Variants in MCU observed in about 807,000 individuals in gnomAD.
MCU encodes calcium uniporter protein, mitochondrial.
In MCU, 12 loss-of-function variants were observed where a neutral mutation model predicts 45.2. The ratio of observed to expected loss-of-function variants is 0.27; its 90% CI spans 0.17 to 0.43. The LOEUF (loss-of-function observed/expected upper bound fraction) is 0.43, where lower values mean the gene tolerates loss of function less well. Ranked by LOEUF, MCU falls within the 20% of genes least tolerant of loss-of-function variation. The pLI, the probability that MCU is intolerant of heterozygous loss-of-function variation, is 1.00. For synonymous variants in MCU, 160 were observed against 165.1 expected (o/e 0.97, Z 0.24); for missense variants, 324 against 436.7 (o/e 0.74, Z 2.30).
intron 1 of MCU, among the ~76,000 whole-genome samples, chr10:72,696,242 A>G (rs1842686563): frequency 7.6e-6 from 1 of 130,994 alleles, no homozygotes; most frequent in South Asian, 2.6e-4. Context: ...GCTGGTCTTG[A>G]ACTCCTGGAC....
intron 1 of MCU, among the ~76,000 whole-genome samples, chr10:72,767,340 T>C (rs1020113693): frequency 4.6e-5 from 7 of 152,188 alleles, no homozygotes; most frequent in South Asian, 2.1e-4. Flanking sequence ...ACAGGTATTA[T>C]AGAGGCTCAG....
At chr10:72,771,889 A>C (rs1843814194) in intron 1 of MCU, among the ~76,000 whole-genome samples, 2 of 152,264 alleles carry the variant, frequency 1.3e-5, no homozygotes, top group South Asian at 4.2e-4. Context: ...AGACAGTAGG[A>C]GAATCAGACT....
intron 1 of MCU, among the ~76,000 whole-genome samples, chr10:72,751,754 C>T (rs927927649): frequency 6.6e-6 from 1 of 151,978 alleles, no homozygotes; most frequent in Non-Finnish European, 1.5e-5. Context: ...TCCTTTGAGA[C>T]ATTGTTATTA....
At chr10:72,804,850 C>G (rs1046670666) in intron 1 of MCU, among the ~76,000 whole-genome samples, 1 of 152,236 alleles carries the variant, frequency 6.6e-6, no homozygotes, top group African/African-American at 2.4e-5. Flanking sequence ...CAGCTCACTG[C>G]AGCCTCAATC....
chr10:72,833,180 C>A (rs1844905045), intron 1 of MCU, among the ~76,000 whole-genome samples: 1 of 152,054 alleles, frequency 6.6e-6, no homozygotes, highest in South Asian at 2.1e-4. Context: ...ATAAAGATAG[C>A]ATTTCAAATA....
intron 1 of MCU, among the ~76,000 whole-genome samples, chr10:72,766,108 T>C (rs2132729410): frequency 6.6e-6 from 1 of 152,262 alleles, no homozygotes; most frequent in Non-Finnish European, 1.5e-5. Context: ...CCTCAAGCAG[T>C]CCTCTCACCA....
intron 1 of MCU, among the ~76,000 whole-genome samples, chr10:72,710,018 C>T (rs149856620): frequency 6.1e-4 from 93 of 152,280 alleles, no homozygotes; most frequent in African/African-American, 2.1e-3. Context: ...ATCTGTCGCC[C>T]AGGCTGGAGT....
At chr10:72,757,577 A>G (rs1339532852) in intron 1 of MCU, among the ~76,000 whole-genome samples, 1 of 146,808 alleles carries the variant, frequency 6.8e-6, no homozygotes, top group Non-Finnish European at 1.5e-5. Context: ...TTGGAGTAAC[A>G]TCACCTAGTT....
intron 1 of MCU, chr10:72,756,509 T>TAA (rs962218686): frequency 4.6e-5 from 7 of 152,214 alleles, no homozygotes; most frequent in African/African-American, 1.7e-4. Context: ...AGAAACTGCA[T>TAA]AATTCACTGG....
intron 1 of MCU, among the ~76,000 whole-genome samples, chr10:72,775,392 CCTTA>C (rs1419987463): frequency 6.6e-6 from 1 of 151,746 alleles, no homozygotes; most frequent in Non-Finnish European, 1.5e-5. Flanking sequence ...ACTGTAAAAG[CCTTA>C]CTAAGAGGGA....
At chr10:72,755,295 T>C (rs930203522) in intron 1 of MCU, among the ~76,000 whole-genome samples, 2 of 152,032 alleles carry the variant, frequency 1.3e-5, no homozygotes, top group Non-Finnish European at 2.9e-5. Flanking sequence ...ATTACAGGCA[T>C]GCACCACCAT....
At position 72,801,443 on chromosome 10, in the gene MCU, C is replaced by T. The variant is rs150288333; in HGVS notation, c.151-32916C>T. On this transcript the variant is annotated intron_variant, in intron 1 of 7. Coordinates refer to ENST00000373053, the MANE Select transcript of MCU (RefSeq NM_138357.3). ...AGGTACAGTGTAGTGAATGTAAGTGCCAGCCAGTACTGGAGCTAACATTAG... is the reference window on the plus strand; with the variant it reads ...AGGTACAGTGTAGTGAATGTAAGTGTCAGCCAGTACTGGAGCTAACATTAG... Among the ~76,000 whole-genome samples the T allele has an allele frequency of 1.5e-4, 22 of 148,910 alleles. No homozygotes were observed. The East Asian group carries it at 4.2e-3, about 28-fold the overall frequency.
intron 1 of MCU, among the ~76,000 whole-genome samples, chr10:72,750,250 A>G (rs895541794): frequency 2.0e-5 from 3 of 152,194 alleles, no homozygotes; most frequent in Non-Finnish European, 4.4e-5. Flanking sequence ...GGGAAAAGGT[A>G]AATAATTTTA....
At chr10:72,806,020 A>G (rs1490212297) in intron 1 of MCU, among the ~76,000 whole-genome samples, 1 of 152,182 alleles carries the variant, frequency 6.6e-6, no homozygotes, top group Admixed American at 6.5e-5. Context: ...AGAATGGGGA[A>G]AGGCCTGGAG....
chr10:72,751,356 T>TG (rs1223067432), intron 1 of MCU, among the ~76,000 whole-genome samples: 78 of 123,540 alleles, frequency 6.3e-4, no homozygotes, highest in Non-Finnish European at 1.1e-3. Flanking sequence ...TTTTTTTTTT[T>TG]TTTTTTTTTT....
At chr10:72,702,049 G>A (rs367794100) in intron 1 of MCU, among the ~76,000 whole-genome samples, 249 of 151,456 alleles carry the variant, frequency 1.6e-3, no homozygotes, top group African/African-American at 5.7e-3. Flanking sequence ...GGACCAGCCT[G>A]ACCAACATAG....
At chr10:72,821,165 GA>G (rs1844706197) in intron 1 of MCU, among the ~76,000 whole-genome samples, 1 of 151,146 alleles carries the variant, frequency 6.6e-6, no homozygotes, top group East Asian at 1.9e-4. Context: ...TATATTGTAG[GA>G]AACAAACTAC....
chr10:72,783,712 T>C (rs184139073), intron 1 of MCU, among the ~76,000 whole-genome samples: 1 of 152,232 alleles, frequency 6.6e-6, no homozygotes, highest in Admixed American at 6.5e-5. Flanking sequence ...GGGAGAGAGA[T>C]CATGCCAAGA....
intron 5 of MCU, 87 bp downstream of exon 5, chr10:72,868,950 C>A (rs1420399774): frequency 1.5e-6 from 2 of 1,338,448 alleles, no homozygotes; most frequent in Non-Finnish European, 2.0e-6. Context: ...AAGTTTTATG[C>A]AATTGAGTCA....
Sources: gnomAD v4.1 joint callset for allele counts (sites outside exome capture counted in the v4.1 genomes callset) on GRCh38, gnomAD v4.1.1 for gene constraint, MANE v1.5 for transcripts, NCBI Gene and HGNC (gene_info 2026-07-23, HGNC 2026-07-21) for gene names.